Variants in CEP63 observed in about 807,000 individuals in gnomAD.
CEP63 encodes the protein centrosomal protein 63.
A neutral mutation model predicts 89.1 loss-of-function variants in CEP63; 84 were observed. The ratio of observed to expected loss-of-function variants is 0.94; its 90% CI spans 0.79 to 1.13. CEP63 has a LOEUF of 1.13. Ranked by LOEUF, CEP63 falls within the 50% of genes most tolerant of loss-of-function variation. CEP63 has a pLI of 0.00. For synonymous variants in CEP63, 267 were observed against 272.5 expected, an observed-to-expected ratio of 0.98 and a Z score of 0.20; for missense variants, 838 against 813.3, an observed-to-expected ratio of 1.03 and a Z score of -0.37.
chr3:134,650,956 T>C, the CEP63 span: 1 of 1,613,136 alleles, frequency 6.2e-7, no homozygotes, highest in Non-Finnish European at 8.5e-7. Context: ...CTTCTTCAGC[T>C]CCATGATGCC....
chr3:134,777,840 C>A, the CEP63 span, among the ~76,000 whole-genome samples: 1 of 151,812 alleles, frequency 6.6e-6, no homozygotes. Flanking sequence ...TGGTCTCGAA[C>A]TCTTGACCTT....
chr3:134,619,004 A>G, the CEP63 span: 7 of 649,948 alleles, frequency 1.1e-5, no homozygotes, highest in South Asian at 1.1e-4. Context: ...GGAGAAATTG[A>G]CCTTTTCAGG....
chr3:134,738,649 C>T, the CEP63 span, among the ~76,000 whole-genome samples: 3 of 152,048 alleles, frequency 2.0e-5, no homozygotes, highest in African/African-American at 7.2e-5. Context: ...GGATAAAAGA[C>T]TACAAATACA....
At chr3:134,602,659 C>T in the CEP63 span, among the ~76,000 whole-genome samples, 5 of 152,146 alleles carry the variant, frequency 3.3e-5, no homozygotes, top group African/African-American at 9.7e-5. Flanking sequence ...CCTGGCCAGC[C>T]TCTGGAGGCT....
intron 2 of CEP63, among the ~76,000 whole-genome samples, chr3:134,498,841 G>A (rs1351020277): frequency 6.6e-6 from 1 of 152,128 alleles, no homozygotes; most frequent in Admixed American, 6.6e-5. Context: ...TTGATGTGAT[G>A]TATCACTTTT....
chr3:134,542,726 C>T (rs1952307487), intron 6 of CEP63, among the ~76,000 whole-genome samples: 1 of 152,170 alleles, frequency 6.6e-6, no homozygotes, highest in South Asian at 2.1e-4. Context: ...AATTTCTTCT[C>T]CACTCTCTTT....
the CEP63 span, among the ~76,000 whole-genome samples, chr3:134,711,819 G>A: frequency 6.7e-6 from 1 of 150,048 alleles, no homozygotes; most frequent in South Asian, 2.1e-4. Context: ...CTGGAGTGCA[G>A]TGGTGCAATC....
At chr3:134,550,836 C>T (rs918445904) in intron 11 of CEP63, among the ~76,000 whole-genome samples, 4 of 152,108 alleles carry the variant, frequency 2.6e-5, no homozygotes, top group African/African-American at 9.7e-5. Context: ...AGACAGAGCA[C>T]CCAGATGCTG....
chr3:134,492,874 T>C (rs1365945328), intron 1 of CEP63, among the ~76,000 whole-genome samples: 1 of 152,186 alleles, frequency 6.6e-6, no homozygotes, highest in Non-Finnish European at 1.5e-5. Flanking sequence ...TAGTTTATCA[T>C]AGTCAAGTTA....
At chr3:134,779,587 G>A in the CEP63 span, among the ~76,000 whole-genome samples, 105,670 of 152,144 alleles carry the variant, frequency 0.69, 38,264 homozygotes, top group East Asian at 0.87. Context: ...CATCTAGACT[G>A]CATTTCCCAG....
At chr3:134,703,185 A>G in the CEP63 span, among the ~76,000 whole-genome samples, 1 of 150,914 alleles carries the variant, frequency 6.6e-6, no homozygotes, top group Non-Finnish European at 1.5e-5. Flanking sequence ...AGTCCCAGCT[A>G]CTTGGGAGGC....
At chr3:134,591,239 G>A (rs1958590266), downstream of CEP63, among the ~76,000 whole-genome samples, 1 of 152,172 alleles carries the variant, frequency 6.6e-6, no homozygotes, top group Admixed American at 6.5e-5. Context: ...TTGCTAGTGT[G>A]AAGTCATTCT....
chr3:134,654,614 G>A, the CEP63 span, among the ~76,000 whole-genome samples: 5 of 152,196 alleles, frequency 3.3e-5, no homozygotes, highest in Non-Finnish European at 1.5e-5. Context: ...AGCCAGTGTA[G>A]GCTTCCCATG....
chr3:134,718,003 C>G, the CEP63 span, among the ~76,000 whole-genome samples: 3 of 152,142 alleles, frequency 2.0e-5, no homozygotes, highest in Non-Finnish European at 4.4e-5. Flanking sequence ...ACCCAGGTTA[C>G]TTTTTCTTTG....
intron 12 of CEP63, among the ~76,000 whole-genome samples, chr3:134,554,620 A>G (rs1306883302): frequency 1.2e-4 from 18 of 150,990 alleles, no homozygotes; most frequent in Admixed American, 6.6e-5. Flanking sequence ...GGCTGGGTCA[A>G]ATGGTATTTC....
intron 1 of CEP63, among the ~76,000 whole-genome samples, chr3:134,494,395 G>A (rs529774766): frequency 1.3e-5 from 2 of 152,028 alleles, no homozygotes; most frequent in East Asian, 1.9e-4. Flanking sequence ...GATTACAGGC[G>A]TGAGCCACCG....
At position 134,550,108 on chromosome 3, in the gene CEP63, C is replaced by T. The variant is rs758087745; in HGVS notation, c.1228C>T (p.Leu410=). 4.3e-6 allele frequency: 7 copies of T among 1,613,864 alleles called. No homozygotes were observed. Among genetic ancestry groups the T allele is most frequent in the East Asian group, 4.5e-5 (2 of 44,862 alleles). Residue 410 remains leucine, a synonymous_variant, in exon 11 of 15, where the codon CTA becomes TTA. Transcript: ENST00000675561. ...GGGTGAACAAAGTTACAGTTCTGCACTAGAAGGAATGAAGATGGAAATCTC... is the reference window on the plus strand; with the variant it reads ...GGGTGAACAAAGTTACAGTTCTGCATTAGAAGGAATGAAGATGGAAATCTC... The part of the protein sequence containing the change: ...LQGEQSYSSA[L]EGMKMEISHL...
At chr3:134,650,659 C>CG in the CEP63 span, among the ~76,000 whole-genome samples, 1 of 152,136 alleles carries the variant, frequency 6.6e-6, no homozygotes, top group African/African-American at 2.4e-5. Flanking sequence ...CGCGTTGCCA[C>CG]GGGACGCCGG....
the CEP63 span, among the ~76,000 whole-genome samples, chr3:134,779,518 A>G: frequency 4.1e-3 from 620 of 152,322 alleles, 3 homozygotes; most frequent in African/African-American, 0.013. Context: ...TATAGTGGAG[A>G]GTGACAAAAT....
Sources: gnomAD v4.1 joint callset for allele counts (sites outside exome capture counted in the v4.1 genomes callset) on GRCh38, gnomAD v4.1.1 for gene constraint, MANE v1.5 for transcripts, NCBI Gene and HGNC (gene_info 2026-07-23, HGNC 2026-07-21) for gene names.